CKS2: variants seen among roughly 807,000 people sequenced by gnomAD.
The protein encoded by CKS2 is CDC28 protein kinase regulatory subunit 2, also known as cyclin-dependent kinases regulatory subunit 2.
CKS2 carries 4 observed loss-of-function variants against 14.3 expected under a neutral mutation model. The observed-to-expected ratio is 0.28, with a 90% CI of 0.14 to 0.64. CKS2 has a LOEUF of 0.64. CKS2 is among the 30% of genes least tolerant of loss of function. The pLI is 0.83. For missense variants in CKS2, 71 were observed against 94.3 expected (o/e 0.75, Z 1.02); for synonymous variants, 33 against 28.7 (o/e 1.15, Z -0.48).
chr9:89,315,367 A>T (rs1447577466), intron 2 of CKS2, 70 bp downstream of exon 2: 3 of 1,338,154 alleles, frequency 2.2e-6, no homozygotes, highest in Admixed American at 2.7e-5. Context: ...TCAAAATTTT[A>T]AAAATATCAT....
At chr9:89,315,322 A>G in intron 2 of CKS2, 25 bp downstream of exon 2, 3 of 1,508,942 alleles carry the variant, frequency 2.0e-6, no homozygotes, top group Non-Finnish European at 2.7e-6. Flanking sequence ...GTTATAGTAA[A>G]GCAGTAATTG....
At chr9:89,314,244 TACTC>T (rs1422407900) in intron 1 of CKS2, among the ~76,000 whole-genome samples, 1 of 152,222 alleles carries the variant, frequency 6.6e-6, no homozygotes, top group Non-Finnish European at 1.5e-5. Flanking sequence ...TAAAAATTCT[TACTC>T]AATTTGGGGA....
chr9:89,313,264 C>T (rs963889404), intron 1 of CKS2, among the ~76,000 whole-genome samples: 1 of 152,166 alleles, frequency 6.6e-6, no homozygotes, highest in African/African-American at 2.4e-5. Context: ...GTGCAGTTAT[C>T]TCTATCTTTC....
In CKS2 at chr9:89,315,293, G is replaced by A. The variant is rs1824686435; in HGVS notation, c.183G>A (p.Glu61=). 6.3e-7 allele frequency: 1 copy of A among 1,592,904 alleles called. No individual in the cohort carries two copies. Among genetic ancestry groups the A allele is most frequent in the Non-Finnish European group, 8.6e-7 (1 of 1,168,370 alleles). The change falls in exon 2 of 3, where the codon GAG becomes GAA. Residue 61 remains glutamate, a synonymous_variant. Transcript: ENST00000314355. ...SLGWVHYMIH[E]PEPHILLFRR... Reference sequence around the variant, plus strand: ...GCTGGGTTCATTACATGATTCATGAGCCAGGTAAGCTATGCTATGTTATAG... The same window carrying A: ...GCTGGGTTCATTACATGATTCATGAACCAGGTAAGCTATGCTATGTTATAG...
intron 1 of CKS2, among the ~76,000 whole-genome samples, chr9:89,313,854 A>G (rs1157772046): frequency 6.6e-6 from 1 of 152,258 alleles, no homozygotes; most frequent in African/African-American, 2.4e-5. Flanking sequence ...AGTTCACTGG[A>G]ATTGATGAAA....
intron 1 of CKS2, 24 bp from the exon 2 acceptor site, chr9:89,315,144 TAA>T: frequency 6.3e-7 from 1 of 1,593,824 alleles, no homozygotes. Flanking sequence ...GGCACTGGAC[TAA>T]CACTTGGCTG....
At chr9:89,315,877 AAC>A (rs1370604629) in intron 2 of CKS2, among the ~76,000 whole-genome samples, 3 of 152,236 alleles carry the variant, frequency 2.0e-5, no homozygotes, top group Admixed American at 1.3e-4. Flanking sequence ...CAGTAAATCT[AAC>A]AGCATTTATA....
chr9:89,311,443 C>A, intron 1 of CKS2, 92 bp downstream of exon 1: 1 of 949,292 alleles, frequency 1.1e-6, no homozygotes. Flanking sequence ...GGGGTGGGGG[C>A]CGGGGCCTGG....
At chr9:89,312,170 T>G (rs1187248419) in intron 1 of CKS2, 1 of 154,640 alleles carries the variant, frequency 6.5e-6, no homozygotes, top group East Asian at 1.9e-4. Context: ...CTTTTGCGTT[T>G]GAGTCCTGAA....
At chr9:89,316,102 C>G (rs1407294642) in intron 2 of CKS2, among the ~76,000 whole-genome samples, 2 of 150,358 alleles carry the variant, frequency 1.3e-5, no homozygotes, top group African/African-American at 2.5e-5. Flanking sequence ...TGTGCCCCAC[C>G]TATTGAAACA....
intron 1 of CKS2, 92 bp downstream of exon 1, chr9:89,311,443 C>CGGGGGGGGGGG: frequency 1.1e-6 from 1 of 949,292 alleles, no homozygotes; most frequent in Non-Finnish European, 1.5e-6. Context: ...GGGGTGGGGG[C>CGGGGGGGGGGG]CGGGGCCTGG....
Position 89,311,331 on chromosome 9 carries a change from C to T in CKS2, c.39C>T (p.Phe13=), listed in dbSNP as rs147080616. 28 of 1,610,444 alleles carry T rather than the reference C, an allele frequency of 1.7e-5. No individual in the cohort carries two copies. Among genetic ancestry groups the T allele is most frequent in the Non-Finnish European group, 2.3e-5 (27 of 1,178,718 alleles). Reference sequence around the variant, plus strand: ...AGATCTACTACTCGGACAAGTACTTCGACGAACACTACGAGTACCGGTGGG... The same window carrying T: ...AGATCTACTACTCGGACAAGTACTTTGACGAACACTACGAGTACCGGTGGG... ...HKQIYYSDKY[F]DEHYEYRHVM... The change falls in exon 1 of 3, where the codon TTC becomes TTT. Residue 13 remains phenylalanine, a synonymous_variant. Transcript: ENST00000314355.
Position 89,311,360 on chromosome 9 carries a change from C to G in CKS2, c.59+9C>G, listed in dbSNP as rs1370275952. ...GAACACTACGAGTACCGGTGGGCGC[C>G]TTTCTTAGACCCCGAGCCGGCTCCC... is the stretch of plus-strand genomic sequence containing the variant. On this transcript the variant is annotated intron_variant, in intron 1 of 2. Coordinates refer to ENST00000314355, the MANE Select transcript of CKS2 (RefSeq NM_001827.3). 6.3e-6 allele frequency: 10 copies of G among 1,599,488 alleles called. No individual in the cohort carries two copies. Among genetic ancestry groups the G allele is most frequent in the African/African-American group, 2.7e-5 (2 of 73,572 alleles).
rs1208484659 is a variant in CKS2, at chr9:89,312,539, T to A, written c.59+1188T>A. Reference sequence around the variant, plus strand: ...AAGGAAGAAAGAACAAAACAGTGGGTGGTTTCTCTTTTTCTCCCCCTCCCT... The same window carrying A: ...AAGGAAGAAAGAACAAAACAGTGGGAGGTTTCTCTTTTTCTCCCCCTCCCT... On this transcript the variant is annotated intron_variant, in intron 1 of 2. Transcript: ENST00000314355. Among the ~76,000 whole-genome samples, 4 of 152,156 alleles carry A rather than the reference T, an allele frequency of 2.6e-5. No homozygotes were observed. In the East Asian group the frequency reaches 7.7e-4, roughly 29 times the overall value.
At chr9:89,315,875 C>G (rs1026316271) in intron 2 of CKS2, among the ~76,000 whole-genome samples, 4 of 152,152 alleles carry the variant, frequency 2.6e-5, no homozygotes, top group Non-Finnish European at 5.9e-5. Flanking sequence ...ATCAGTAAAT[C>G]TAACAGCATT....
intron 1 of CKS2, among the ~76,000 whole-genome samples, chr9:89,313,069 G>A (rs761040421): frequency 6.6e-6 from 1 of 152,190 alleles, no homozygotes; most frequent in Admixed American, 6.5e-5. Flanking sequence ...ATAAAAATTA[G>A]AGCTGGTATT....
chr9:89,316,552 A>G lies in CKS2; in HGVS notation c.*127A>G. On this transcript the variant is annotated 3_prime_UTR_variant, in exon 3 of 3. Coordinates refer to ENST00000314355, the MANE Select transcript of CKS2 (RefSeq NM_001827.3). Reference sequence around the variant, plus strand: ...TACCTGTGCATGAGCTGTATTCTTCACAGCAACAGAGCTCAGTTAAATGCA... The same window carrying G: ...TACCTGTGCATGAGCTGTATTCTTCGCAGCAACAGAGCTCAGTTAAATGCA... 2 of 568,360 alleles carry G rather than the reference A, an allele frequency of 3.5e-6. No homozygotes were observed. Among genetic ancestry groups the G allele is most frequent in the East Asian group, 6.0e-5 (2 of 33,260 alleles). The allele number at this position is 568,360 out of a possible 1,614,324, so 35.2% of individuals were successfully genotyped here. A position where few individuals can be genotyped will look rare whatever the true frequency, so the allele number is the denominator to read the frequency against.
chr9:89,316,146 T>C (rs1002190130), intron 2 of CKS2, among the ~76,000 whole-genome samples: 16 of 152,298 alleles, frequency 1.1e-4, no homozygotes, highest in African/African-American at 3.8e-4. Flanking sequence ...TATGAGATCC[T>C]GTAGGTGATT....
intron 2 of CKS2, among the ~76,000 whole-genome samples, chr9:89,315,619 A>C (rs1174998012): frequency 1.3e-5 from 2 of 152,056 alleles, no homozygotes; most frequent in Non-Finnish European, 2.9e-5. Context: ...ATATCCTAAG[A>C]CAAGTGTTCT....
Sources: allele counts gnomAD v4.1 joint callset (sites outside exome capture counted in the v4.1 genomes callset), GRCh38; gene constraint gnomAD v4.1.1; transcripts MANE v1.5; gene names NCBI Gene and HGNC (gene_info 2026-07-23, HGNC 2026-07-21).